The following MYBL1 variants were observed in gnomAD, a reference collection of about 807,000 sequenced individuals.
MYBL1 encodes the protein myb-related protein A.
A neutral mutation model predicts 96.3 loss-of-function variants in MYBL1; 17 were observed. The observed-to-expected ratio is 0.18, with a 90% confidence interval of 0.12 to 0.26. The LOEUF is 0.26. Ranked by LOEUF, MYBL1 falls within the 10% of genes least tolerant of loss-of-function variation. The pLI, the probability that MYBL1 is intolerant of heterozygous loss-of-function variation, is 1.00. For synonymous variants in MYBL1, 282 were observed against 292.7 expected (o/e 0.96, Z 0.37); for missense variants, 701 against 882.9 (o/e 0.79, Z 2.61).
intron 9 of MYBL1, among the ~76,000 whole-genome samples, chr8:66,577,421 T>C (rs1436710493): frequency 2.0e-5 from 3 of 148,776 alleles, no homozygotes; most frequent in Admixed American, 6.7e-5. Flanking sequence ...ACAAGCATTC[T>C]TATACACCAA....
chr8:66,576,689 T>G (rs112709907), intron 9 of MYBL1, among the ~76,000 whole-genome samples: 4,858 of 152,316 alleles, frequency 0.032, 114 homozygotes, highest in South Asian at 0.052. Context: ...AAACTTCACA[T>G]TCTACTGCAC....
At chr8:66,569,291 C>A (rs1384561498) in intron 12 of MYBL1, among the ~76,000 whole-genome samples, 4 of 150,166 alleles carry the variant, frequency 2.7e-5, no homozygotes, top group Non-Finnish European at 1.5e-5. Context: ...TGACCTCATT[C>A]TTTTTTATGG....
At chr8:66,600,052 T>A (rs1810007668) in intron 3 of MYBL1, among the ~76,000 whole-genome samples, 1 of 152,166 alleles carries the variant, frequency 6.6e-6, no homozygotes, top group Non-Finnish European at 1.5e-5. Context: ...TTCACTAAAT[T>A]GGTTAAGTGT....
At chr8:66,595,496 G>T in intron 6 of MYBL1, 87 bp downstream of exon 6, 2 of 732,624 alleles carry the variant, frequency 2.7e-6, no homozygotes, top group Non-Finnish European at 4.0e-6. Context: ...AATACGCATT[G>T]TATTTGTCCT....
At chr8:66,589,426 C>T (rs1458728797) in intron 8 of MYBL1, among the ~76,000 whole-genome samples, 1 of 152,086 alleles carries the variant, frequency 6.6e-6, no homozygotes. Flanking sequence ...AATCCTCTCC[C>T]TCCTCAGCCT....
intron 8 of MYBL1, among the ~76,000 whole-genome samples, chr8:66,589,120 C>A (rs1272623586): frequency 6.6e-6 from 1 of 152,200 alleles, no homozygotes; most frequent in East Asian, 1.9e-4. Flanking sequence ...TCAACCAAAT[C>A]TTTATGAGAA....
intron 6 of MYBL1, 78 bp downstream of exon 6, chr8:66,595,505 C>T (rs12680384): frequency 1.2e-6 from 1 of 844,854 alleles, no homozygotes; most frequent in East Asian, 3.1e-5. Flanking sequence ...TGTATTTGTC[C>T]TATTAAGAAA....
chr8:66,593,956 C>A (rs1046054108), intron 6 of MYBL1, among the ~76,000 whole-genome samples: 2 of 151,908 alleles, frequency 1.3e-5, no homozygotes, highest in East Asian at 1.9e-4. Context: ...GGCAACATGG[C>A]AAGACCCTGT....
Position 66,612,877 on chromosome 8 carries a change from C to T in MYBL1, c.-39G>A, listed in dbSNP as rs771593595. 3 of 1,343,040 alleles carry T rather than the reference C, an allele frequency of 2.2e-6. No homozygotes were observed. Among genetic ancestry groups the T allele is most frequent in the South Asian group, 4.7e-5 (2 of 42,890 alleles). The allele number at this position is 1,343,040 out of a possible 1,614,324, so 83.2% of individuals were successfully genotyped here. A position where few individuals can be genotyped will look rare whatever the true frequency, so the allele number is the denominator to read the frequency against. On this transcript the variant is annotated 5_prime_UTR_variant, in exon 1 of 16. Transcript: ENST00000522677. ...CATAGGAGCAGGCTGGGCGGGGACG[C>T]GGGTCAGCCTCCTCCAGCCTCCGGC...
At chr8:66,604,294 G>A (rs577004788) in intron 1 of MYBL1, among the ~76,000 whole-genome samples, 5 of 152,154 alleles carry the variant, frequency 3.3e-5, no homozygotes, top group East Asian at 1.9e-4. Context: ...AGGCTGAGTC[G>A]AGCAGATCAT....
chr8:66,609,366 G>A (rs1462226289), intron 1 of MYBL1, among the ~76,000 whole-genome samples: 1 of 151,700 alleles, frequency 6.6e-6, no homozygotes, highest in Admixed American at 6.6e-5. Context: ...TAGTAAAATC[G>A]CATCAAGTTG....
At chr8:66,587,475 T>C (rs569432547) in intron 8 of MYBL1, among the ~76,000 whole-genome samples, 1 of 152,368 alleles carries the variant, frequency 6.6e-6, no homozygotes, top group South Asian at 2.1e-4. Flanking sequence ...CATTTTTCTT[T>C]ATCTCTTTAG....
Position 66,576,372 on chromosome 8 carries a change from G to A in MYBL1, c.1105C>T (p.Pro369Ser). 6.3e-7 allele frequency: 1 copy of A among 1,598,574 alleles called. No homozygotes were observed. Among genetic ancestry groups the A allele is most frequent in the Non-Finnish European group, 8.5e-7 (1 of 1,174,498 alleles). ...AETLELIESD[P>S]VAWSDVTSFD... ...CTGGTAACGTCACTCCATGCTACAG[G>A]ATCCTGCAATAAATTAAACTGTTAA... The change falls in exon 10 of 16, where the codon CCT becomes TCT. Residue 369 changes from proline (P) to serine (S), a missense_variant. Coordinates refer to ENST00000522677, the MANE Select transcript of MYBL1 (RefSeq NM_001080416.4).
intron 8 of MYBL1, among the ~76,000 whole-genome samples, chr8:66,591,472 CTAACT>C (rs1294775722): frequency 6.6e-6 from 1 of 151,954 alleles, no homozygotes; most frequent in Non-Finnish European, 1.5e-5. Flanking sequence ...ACCTTTGATC[CTAACT>C]TAACACTCCT....
At position 66,576,496 on chromosome 8, in the gene MYBL1, T is replaced by G. The variant is rs548608649; in HGVS notation, c.1102-121A>C. ...ACTCATTTTATCAGTAAAAATGCTT[T>G]CCTTGGACATTTTTTTTAAGCAAGA... On this transcript the variant is annotated intron_variant, in intron 9 of 15. Transcript: ENST00000522677. 2.3e-4 allele frequency: 274 copies of G among 1,178,656 alleles called. 1 individual carries two copies. The highest frequency in any genetic ancestry group is 3.1e-4 in the Non-Finnish European group (263 of 850,224). 73.0% of individuals were successfully genotyped at this position (1,178,656 alleles called of 1,614,324 possible). A position where few individuals can be genotyped will look rare whatever the true frequency, so the allele number is the denominator to read the frequency against.
chr8:66,609,694 G>T (rs545566575), intron 1 of MYBL1, among the ~76,000 whole-genome samples: 2 of 151,888 alleles, frequency 1.3e-5, no homozygotes, highest in African/African-American at 4.8e-5. Context: ...AACATTGTGA[G>T]AAAATTTCTA....
At chr8:66,592,171 T>C (rs1586583682) in intron 8 of MYBL1, among the ~76,000 whole-genome samples, 1 of 151,758 alleles carries the variant, frequency 6.6e-6, no homozygotes, top group Admixed American at 6.6e-5. Flanking sequence ...GAGGCTGAGG[T>C]GGGGCATCAT....
chr8:66,598,370 C>T (rs1809933281), intron 4 of MYBL1, among the ~76,000 whole-genome samples: 1 of 152,086 alleles, frequency 6.6e-6, no homozygotes, highest in African/African-American at 2.4e-5. Context: ...TCAAGACCAG[C>T]CTGGGCAACA....
intron 8 of MYBL1, among the ~76,000 whole-genome samples, chr8:66,580,855 C>T (rs1024249330): frequency 2.7e-5 from 4 of 145,538 alleles, no homozygotes; most frequent in African/African-American, 4.9e-5. Flanking sequence ...CAGGGAAGCT[C>T]TTCTTTTTTT....
Sources: gnomAD v4.1 joint callset for allele counts (sites outside exome capture counted in the v4.1 genomes callset) on GRCh38, gnomAD v4.1.1 for gene constraint, MANE v1.5 for transcripts, NCBI Gene and HGNC (gene_info 2026-07-23, HGNC 2026-07-21) for gene names.